The following GRM8 variants were observed in gnomAD, a reference collection of about 807,000 sequenced individuals.
The protein encoded by GRM8 is glutamate metabotropic receptor 8.
A neutral mutation model predicts 87.2 loss-of-function variants in GRM8; 47 were observed. The observed-to-expected ratio is 0.54, with a 90% CI of 0.43 to 0.69. GRM8 has a LOEUF of 0.69. Among genes scored for constraint, GRM8 ranks in the 30% least tolerant of loss-of-function variants. The probability of loss-of-function intolerance (pLI) is 0.00; values close to 1 mark genes in which losing one functional copy is unlikely to be tolerated. For synonymous variants in GRM8, 396 were observed against 404.5 expected, an observed-to-expected ratio of 0.98 and a Z score of 0.25; for missense variants, 1,019 against 1,139.2, an observed-to-expected ratio of 0.89 and a Z score of 1.52.
At chr7:126,618,186 C>T (rs1307533550) in intron 7 of GRM8, among the ~76,000 whole-genome samples, 3 of 152,012 alleles carry the variant, frequency 2.0e-5, no homozygotes, top group South Asian at 2.1e-4. Context: ...GAGATATAGA[C>T]CAATGGAACA....
chr7:126,606,750 A>G (rs2151091636), intron 8 of GRM8, among the ~76,000 whole-genome samples: 1 of 152,368 alleles, frequency 6.6e-6, no homozygotes, highest in Admixed American at 6.5e-5. Flanking sequence ...CATGAGAAAT[A>G]ATTCTCACAA....
intron 2 of GRM8, among the ~76,000 whole-genome samples, chr7:127,124,776 G>A (rs2133196771): frequency 6.6e-6 from 1 of 152,256 alleles, no homozygotes; most frequent in South Asian, 2.1e-4. Context: ...GGAACCAGAT[G>A]TAGCCCCTAC....
intron 6 of GRM8, among the ~76,000 whole-genome samples, chr7:126,796,858 A>C (rs1477090173): frequency 6.6e-6 from 1 of 152,054 alleles, no homozygotes; most frequent in Admixed American, 6.6e-5. Context: ...GGCTTGTCTC[A>C]ATTCTAGGCA....
intron 9 of GRM8, among the ~76,000 whole-genome samples, chr7:126,503,053 T>C (rs1195751251): frequency 3.3e-5 from 5 of 151,986 alleles, no homozygotes; most frequent in Admixed American, 6.6e-5. Flanking sequence ...TCAAACAAGA[T>C]CAACCAAAGT....
intron 8 of GRM8, among the ~76,000 whole-genome samples, chr7:126,587,194 T>C (rs1238937218): frequency 2.6e-5 from 4 of 152,164 alleles, no homozygotes; most frequent in African/African-American, 4.8e-5. Flanking sequence ...ATGGAGAGGA[T>C]GTGGAGAAAT....
intron 2 of GRM8, among the ~76,000 whole-genome samples, chr7:127,160,482 G>C (rs17862306): frequency 2.6e-5 from 4 of 152,250 alleles, no homozygotes; most frequent in Non-Finnish European, 5.9e-5. Flanking sequence ...GAAGATTCCA[G>C]AGCAGAGCAG....
intron 1 of GRM8, among the ~76,000 whole-genome samples, chr7:127,249,208 T>C (rs1798733656): frequency 6.6e-6 from 1 of 152,182 alleles, no homozygotes; most frequent in Admixed American, 6.5e-5. Flanking sequence ...ATATTCCTAC[T>C]TCTGTTCACC....
At chr7:126,902,066 A>G (rs777109730) in intron 6 of GRM8, among the ~76,000 whole-genome samples, 38 of 152,214 alleles carry the variant, frequency 2.5e-4, no homozygotes, top group Non-Finnish European at 4.9e-4. Context: ...TGGAAAGTAA[A>G]GCATCTAAAA....
intron 3 of GRM8, among the ~76,000 whole-genome samples, chr7:126,982,384 T>A (rs1362501640): frequency 2.6e-5 from 4 of 152,194 alleles, no homozygotes; most frequent in African/African-American, 9.7e-5. Flanking sequence ...AAGTTGACAC[T>A]CAGTATTAAC....
At position 126,439,132 on chromosome 7, in the gene GRM8, T is replaced by C. The variant is rs1292744603; in HGVS notation, c.2714A>G (p.Asn905Ser). 2 of 1,573,024 alleles carry C rather than the reference T, an allele frequency of 1.3e-6. No homozygotes were observed. The highest frequency in any genetic ancestry group is 2.2e-5 in the East Asian group (1 of 44,562). ...STKTTYISYS[N>S]HSI is the part of the protein sequence containing the mutation. Reference sequence around the variant, plus strand: ...CATTTCCCTGTTTCAGATTGAATGATTGCTGTAACTGATATATGTTGTCTT... The same window carrying C: ...CATTTCCCTGTTTCAGATTGAATGACTGCTGTAACTGATATATGTTGTCTT... Residue 905 changes from asparagine (N) to serine (S), a missense_variant, in exon 11 of 11, where the codon AAT (asparagine) becomes AGT (serine). Physicochemically the swap from Asn to Ser is conservative, Grantham distance 46 (BLOSUM62 1). Coordinates refer to ENST00000339582, the MANE Select transcript of GRM8 (RefSeq NM_000845.3).
chr7:127,219,210 C>T (rs1796764644), intron 2 of GRM8, among the ~76,000 whole-genome samples: 1 of 152,006 alleles, frequency 6.6e-6, no homozygotes, highest in Non-Finnish European at 1.5e-5. Flanking sequence ...ATATCTGTAT[C>T]TGTCCAGGTG....
At chr7:127,122,767 G>C (rs1827160192) in intron 2 of GRM8, among the ~76,000 whole-genome samples, 1 of 151,912 alleles carries the variant, frequency 6.6e-6, no homozygotes, top group African/African-American at 2.4e-5. Flanking sequence ...AAAAAATGCA[G>C]GATGAAAAAC....
chr7:127,171,391 G>A (rs1793792791), intron 2 of GRM8, among the ~76,000 whole-genome samples: 1 of 152,220 alleles, frequency 6.6e-6, no homozygotes, highest in Non-Finnish European at 1.5e-5. Context: ...AATTTTTGAA[G>A]GAAGTTCTAA....
chr7:126,483,187 C>T (rs1806915534), intron 9 of GRM8, among the ~76,000 whole-genome samples: 1 of 150,144 alleles, frequency 6.7e-6, no homozygotes, highest in East Asian at 2.0e-4. Flanking sequence ...TTCCTTCCTT[C>T]CTTCATCATG....
rs1441145106 is a variant in GRM8 at position 126,516,518 on chromosome 7, C to A, written c.2430+16434G>T. ...TGACTCAAAATAAATATTTGGCCAA[C>A]AGAAATCAGAAAGAAGCATGCTGCT... On this transcript the variant is annotated intron_variant, in intron 9 of 10. Coordinates refer to ENST00000339582, the MANE Select transcript of GRM8 (RefSeq NM_000845.3). 4.6e-5 allele frequency among the ~76,000 whole-genome samples: 7 copies of A among 152,014 alleles called. No homozygotes were observed. The South Asian group carries it at 1.2e-3, about 27-fold the overall frequency.
chr7:127,051,988 T>C (rs1410926025), intron 3 of GRM8, among the ~76,000 whole-genome samples: 2 of 152,172 alleles, frequency 1.3e-5, no homozygotes, highest in African/African-American at 4.8e-5. Context: ...AAAGAAAATA[T>C]AGCAATTGGT....
intron 6 of GRM8, among the ~76,000 whole-genome samples, chr7:126,770,581 T>C (rs1382639827): frequency 1.3e-5 from 2 of 150,858 alleles, no homozygotes; most frequent in Non-Finnish European, 2.9e-5. Flanking sequence ...ATCTTTATAA[T>C]AATCATTCAA....
At chr7:126,936,091 T>C (rs1035224626) in intron 3 of GRM8, among the ~76,000 whole-genome samples, 1 of 152,176 alleles carries the variant, frequency 6.6e-6, no homozygotes, top group Non-Finnish European at 1.5e-5. Context: ...ATCTAAATCA[T>C]GCTGCTTGGA....
rs538699059 is a variant in GRM8, at chr7:126,449,514, G to T, written c.2431-3142C>A. Among the ~76,000 whole-genome samples, 5 of 151,960 alleles carry T rather than the reference G, an allele frequency of 3.3e-5. No individual in the cohort carries two copies. The South Asian group carries it at 1.0e-3, about 31-fold the overall frequency. On this transcript the variant is annotated intron_variant, in intron 9 of 10. Transcript: ENST00000339582. ...CTCCCAGGAGTATAGGACAAAAGAA[G>T]GACCTATTACACACTTATTCAAACC...
Sources: allele counts gnomAD v4.1 joint callset (sites outside exome capture counted in the v4.1 genomes callset), GRCh38; gene constraint gnomAD v4.1.1; transcripts MANE v1.5; gene names NCBI Gene and HGNC (gene_info 2026-07-23, HGNC 2026-07-21).